Variants in CHN2 observed in about 807,000 individuals in gnomAD.
CHN2 encodes the protein chimerin 2.
A neutral mutation model predicts 56.3 loss-of-function variants in CHN2; 35 were observed. That is an observed-to-expected ratio of 0.62 (90% confidence interval 0.47 to 0.82). CHN2 has a LOEUF of 0.82. CHN2 is among the 40% of genes least tolerant of loss of function. CHN2 has a pLI of 0.00. For synonymous variants in CHN2, 210 were observed against 212.8 expected, an observed-to-expected ratio of 0.99 and a Z score of 0.12; for missense variants, 491 against 580.5, an observed-to-expected ratio of 0.85 and a Z score of 1.58.
At chr7:29,199,651 C>G (rs1021139817) in intron 1 of CHN2, 4 of 152,308 alleles carry the variant, frequency 2.6e-5, no homozygotes, top group Admixed American at 6.5e-5. Context: ...CCTGAGCATT[C>G]CATACCTCAT....
At chr7:29,157,958 C>G (rs1794646857) in intron 2 of CHN2, among the ~76,000 whole-genome samples, 1 of 152,128 alleles carries the variant, frequency 6.6e-6, no homozygotes, top group Non-Finnish European at 1.5e-5. Flanking sequence ...TGATTCCACT[C>G]CTAAAGAGAT....
At chr7:29,210,747 G>A (rs1338686898) in intron 1 of CHN2, among the ~76,000 whole-genome samples, 1 of 152,080 alleles carries the variant, frequency 6.6e-6, no homozygotes, top group Admixed American at 6.6e-5. Flanking sequence ...TAAGTTTAGT[G>A]GTCAGAGAAG....
chr7:29,393,422 T>A (rs1801504823), intron 3 of CHN2, among the ~76,000 whole-genome samples: 1 of 152,190 alleles, frequency 6.6e-6, no homozygotes, highest in African/African-American at 2.4e-5. Flanking sequence ...AAGCATCGCT[T>A]TGTTTTTGTT....
At chr7:29,358,391 G>C (rs1562544264) in intron 2 of CHN2, among the ~76,000 whole-genome samples, 1 of 151,902 alleles carries the variant, frequency 6.6e-6, no homozygotes. Context: ...GCGAGACCCT[G>C]TCTCTAAAAA....
At chr7:29,193,056 T>C (rs1452844312), upstream of CHN2, 1 of 152,174 alleles carries the variant, frequency 6.6e-6, no homozygotes, top group African/African-American at 2.4e-5. Flanking sequence ...AAATGAAGGA[T>C]AGTGGTAGGG....
intron 10 of CHN2, 136 bp downstream of exon 10, chr7:29,504,957 A>G (rs369147655): frequency 4.9e-5 from 30 of 616,266 alleles, no homozygotes; most frequent in East Asian, 4.4e-4. Context: ...ATAATGGCTT[A>G]CAAATCTCAT....
intron 6 of CHN2, among the ~76,000 whole-genome samples, chr7:29,462,273 G>C (rs906146934): frequency 6.6e-6 from 1 of 152,192 alleles, no homozygotes; most frequent in Non-Finnish European, 1.5e-5. Context: ...GGCTGCTATA[G>C]ACCATATCAC....
chr7:29,189,121 T>C (rs1340784882), intron 2 of CHN2, among the ~76,000 whole-genome samples: 9 of 152,032 alleles, frequency 5.9e-5, no homozygotes, highest in Non-Finnish European at 1.2e-4. Flanking sequence ...TGGCTAATTT[T>C]TATATTTTTA....
intron 6 of CHN2, among the ~76,000 whole-genome samples, chr7:29,462,208 A>G (rs1456232999): frequency 6.6e-6 from 1 of 152,182 alleles, no homozygotes; most frequent in African/African-American, 2.4e-5. Context: ...AACCTGAACA[A>G]ACATATGTGC....
Position 29,394,588 on chromosome 7 carries a change from G to A in CHN2, c.176+878G>A, listed in dbSNP as rs77875927. On this transcript the variant is annotated intron_variant, in intron 4 of 12. Transcript: ENST00000222792. Reference sequence around the variant, plus strand: ...ACAGCTGCATTTCAGAACCTTCCTCGCAGCACCCTGGGAATTTGACCAGCA... The same window carrying A: ...ACAGCTGCATTTCAGAACCTTCCTCACAGCACCCTGGGAATTTGACCAGCA... 9.6e-3 allele frequency among the ~76,000 whole-genome samples: 1,462 copies of A among 152,272 alleles called. 15 individuals are homozygous for A. The highest frequency in any genetic ancestry group is 0.022 in the South Asian group (105 of 4,820).
At chr7:29,408,122 G>A (rs1017779986) in intron 6 of CHN2, among the ~76,000 whole-genome samples, 3 of 151,988 alleles carry the variant, frequency 2.0e-5, no homozygotes, top group Admixed American at 6.6e-5. Flanking sequence ...CTCAGAAGGC[G>A]GAGGTTGTAG....
At chr7:29,208,252 A>G (rs1338134286) in intron 1 of CHN2, among the ~76,000 whole-genome samples, 1 of 152,114 alleles carries the variant, frequency 6.6e-6, no homozygotes, top group Non-Finnish European at 1.5e-5. Context: ...AATGTATAGG[A>G]TGGCTGGCTC....
intron 6 of CHN2, among the ~76,000 whole-genome samples, chr7:29,460,740 G>A (rs1296561414): frequency 6.6e-6 from 1 of 152,208 alleles, no homozygotes; most frequent in African/African-American, 2.4e-5. Context: ...TCGGAGGGAA[G>A]CAAATGGCTG....
chr7:29,412,320 C>CTTTTTTTTT lies in CHN2; in HGVS notation c.576+11512_576+11520dup, dbSNP rs1158746299. ...AGATTAAGGCGCTCTGCTAAAGAGT[C>CTTTTTTTTT]TTTTTTTTTTTTTTTTTTTTTTTTT... On this transcript the variant is annotated intron_variant, in intron 6 of 12. Coordinates refer to ENST00000222792, the MANE Select transcript of CHN2 (RefSeq NM_004067.4). Among the ~76,000 whole-genome samples, 28 of 69,504 alleles carry CTTTTTTTTT rather than the reference C, an allele frequency of 4.0e-4. 3 individuals are homozygous for CTTTTTTTTT. Among genetic ancestry groups the CTTTTTTTTT allele is most frequent in the African/African-American group, 1.7e-3 (27 of 16,110 alleles). 45.6% of individuals were successfully genotyped at this position (69,504 alleles called of 152,430 possible).
At chr7:29,422,994 G>T (rs1424847109) in intron 6 of CHN2, among the ~76,000 whole-genome samples, 2 of 152,182 alleles carry the variant, frequency 1.3e-5, no homozygotes, top group Admixed American at 1.3e-4. Flanking sequence ...TACTTGACTT[G>T]TTAATTCTAC....
intron 2 of CHN2, among the ~76,000 whole-genome samples, chr7:29,165,165 A>G (rs1584507465): frequency 6.6e-6 from 1 of 152,136 alleles, no homozygotes; most frequent in Non-Finnish European, 1.5e-5. Context: ...TCTAAATAAT[A>G]TAGTTTTTGA....
At chr7:29,165,240 A>T (rs1225319739) in intron 2 of CHN2, among the ~76,000 whole-genome samples, 1 of 152,134 alleles carries the variant, frequency 6.6e-6, no homozygotes, top group Non-Finnish European at 1.5e-5. Flanking sequence ...TTTGATATAA[A>T]GGTCTTGCAT....
At chr7:29,203,522 A>C (rs1325038180) in intron 1 of CHN2, among the ~76,000 whole-genome samples, 1 of 151,466 alleles carries the variant, frequency 6.6e-6, no homozygotes, top group Non-Finnish European at 1.5e-5. Flanking sequence ...TAATATATTT[A>C]CAAAATTAAT....
intron 1 of CHN2, among the ~76,000 whole-genome samples, chr7:29,198,626 A>G (rs1370447680): frequency 6.6e-6 from 1 of 152,230 alleles, no homozygotes; most frequent in Non-Finnish European, 1.5e-5. Flanking sequence ...GCAAAAATAA[A>G]AAAAAGTTCT....
Sources: allele counts gnomAD v4.1 joint callset (sites outside exome capture counted in the v4.1 genomes callset), GRCh38; gene constraint gnomAD v4.1.1; transcripts MANE v1.5; gene names NCBI Gene and HGNC (gene_info 2026-07-23, HGNC 2026-07-21).